The following PTPRA variants were observed in gnomAD, a reference collection of about 807,000 sequenced individuals.
The protein encoded by PTPRA is protein tyrosine phosphatase receptor type A.
Under a neutral mutation model 104.8 loss-of-function variants are expected in PTPRA, and 25 were observed. The observed-to-expected ratio is 0.24, with a 90% CI of 0.17 to 0.33. The LOEUF (loss-of-function observed/expected upper bound fraction) is 0.33, where lower values mean the gene tolerates loss of function less well. Among genes scored for constraint, PTPRA ranks in the 10% least tolerant of loss-of-function variants. The pLI is 1.00. For missense variants in PTPRA, 765 were observed against 1,015.3 expected (o/e 0.75, Z 3.35); for synonymous variants, 323 against 368.9 (o/e 0.88, Z 1.43).
the PTPRA span, chr20:2,865,074 C>G: frequency 1.9e-6 from 3 of 1,614,034 alleles, no homozygotes; most frequent in Non-Finnish European, 2.5e-6. This position sits in a 1 kb window ranked among gnomAD's most constrained non-coding sequence, Gnocchi z 5.2. Context: ...CACCTTTTTC[C>G]AAGAGCCTCC....
At chr20:3,000,388 C>T (rs1025631143) in intron 9 of PTPRA, among the ~76,000 whole-genome samples, 1 of 152,126 alleles carries the variant, frequency 6.6e-6, no homozygotes, top group African/African-American at 2.4e-5. Flanking sequence ...GATGATGAAC[C>T]TCATTAATAA....
At chr20:2,869,874 G>A (rs1440880422), upstream of PTPRA, among the ~76,000 whole-genome samples, 1 of 152,052 alleles carries the variant, frequency 6.6e-6, no homozygotes, top group African/African-American at 2.4e-5. Flanking sequence ...GGCTGAGGCA[G>A]GAGAATCGCT....
Position 2,965,176 on chromosome 20 carries a change from C to T in PTPRA, c.389C>T (p.Thr130Ile). ...GAGGGGAATTCCAGCACCGCAGCAA[C>T]CACTCCAGAAACTTTCCCTCCTTCA... ...PWEGNSSTAA[T>I]TPETFPPSGN... Residue 130 changes from threonine (T) to isoleucine (I), a missense_variant, in exon 5 of 24, where the codon ACC becomes ATC. By Grantham distance (89) the Thr-to-Ile change is moderately conservative (BLOSUM62 -1). Coordinates refer to ENST00000399903, the MANE Select transcript of PTPRA (RefSeq NM_001385305.1). 3.7e-6 allele frequency: 6 copies of T among 1,613,722 alleles called. No individual in the cohort carries two copies. Among genetic ancestry groups the T allele is most frequent in the South Asian group, 1.1e-5 (1 of 91,058 alleles).
At chr20:3,021,031 G>A (rs567542221) in intron 13 of PTPRA, among the ~76,000 whole-genome samples, 4 of 152,332 alleles carry the variant, frequency 2.6e-5, no homozygotes, top group Admixed American at 1.3e-4. Flanking sequence ...CTTCAGATTC[G>A]CCCTGAACCA....
At chr20:2,869,705 C>T (rs992258057), upstream of PTPRA, among the ~76,000 whole-genome samples, 2 of 152,208 alleles carry the variant, frequency 1.3e-5, no homozygotes, top group Non-Finnish European at 2.9e-5. Context: ...GTGGCTCATG[C>T]CTGTAATTCC....
chr20:2,960,680 A>G (rs1488416217), intron 3 of PTPRA, among the ~76,000 whole-genome samples: 1 of 151,868 alleles, frequency 6.6e-6, no homozygotes, highest in African/African-American at 2.4e-5. Context: ...GAGACTACAC[A>G]CACACACCAC....
intron 3 of PTPRA, among the ~76,000 whole-genome samples, chr20:2,956,485 T>G (rs1405287319): frequency 6.6e-6 from 1 of 151,588 alleles, no homozygotes; most frequent in East Asian, 1.9e-4. Flanking sequence ...TGTCCTTACC[T>G]AGGTCTTTCT....
chr20:2,893,502 C>G (rs2058877400), intron 1 of PTPRA, among the ~76,000 whole-genome samples: 1 of 152,080 alleles, frequency 6.6e-6, no homozygotes, highest in Non-Finnish European at 1.5e-5. Flanking sequence ...CTTAGCTGTA[C>G]TTAATATATT....
chr20:2,989,949 G>A (rs756732457), intron 9 of PTPRA, among the ~76,000 whole-genome samples: 30 of 152,076 alleles, frequency 2.0e-4, no homozygotes, highest in Non-Finnish European at 3.8e-4. Flanking sequence ...CCCGGGAGGC[G>A]GAGCTTGCAG....
At chr20:3,029,538 A>ATTTTTTTTTTTTTTTT (rs1390310900) in intron 20 of PTPRA, among the ~76,000 whole-genome samples, 3 of 35,632 alleles carry the variant, frequency 8.4e-5, no homozygotes, top group African/African-American at 4.2e-4. Flanking sequence ...GGTCTTCATC[A>ATTTTTTTTTTTTTTTT]TCTTTTTTTT....
intron 6 of PTPRA, among the ~76,000 whole-genome samples, chr20:2,979,444 G>A (rs1202795081): frequency 6.6e-6 from 1 of 152,124 alleles, no homozygotes; most frequent in Non-Finnish European, 1.5e-5. Flanking sequence ...ATTGCTCTGT[G>A]TTCTGGGAGC....
intron 1 of PTPRA, among the ~76,000 whole-genome samples, chr20:2,878,044 G>A (rs1392408196): frequency 6.6e-6 from 1 of 152,026 alleles, no homozygotes; most frequent in Admixed American, 6.6e-5. Context: ...CCAGCTACTC[G>A]GGAGGCTGAG....
At chr20:3,036,287 AAG>A (rs1362808992) in intron 22 of PTPRA, among the ~76,000 whole-genome samples, 1 of 152,200 alleles carries the variant, frequency 6.6e-6, no homozygotes, top group Non-Finnish European at 1.5e-5. Flanking sequence ...TGACCAGCAG[AAG>A]AGAGACAGTA....
chr20:2,899,253 A>AC (rs1321828658), intron 1 of PTPRA, among the ~76,000 whole-genome samples: 1 of 152,218 alleles, frequency 6.6e-6, no homozygotes, highest in Non-Finnish European at 1.5e-5. Context: ...ACCCTGACTT[A>AC]AAAAAATAAA....
intron 3 of PTPRA, among the ~76,000 whole-genome samples, chr20:2,960,405 A>C (rs1040255283): frequency 1.3e-5 from 2 of 151,936 alleles, no homozygotes; most frequent in African/African-American, 2.4e-5. Flanking sequence ...GCCCGCCACC[A>C]CATCCGGCTA....
chr20:2,938,334 G>A (rs965734506), intron 2 of PTPRA, among the ~76,000 whole-genome samples: 5 of 151,856 alleles, frequency 3.3e-5, no homozygotes, highest in East Asian at 1.9e-4. Context: ...ACAGGCACCC[G>A]CCACCACACC....
chr20:2,874,831 T>A (rs1292911324), intron 1 of PTPRA, among the ~76,000 whole-genome samples: 1 of 152,206 alleles, frequency 6.6e-6, no homozygotes, highest in Admixed American at 6.5e-5. Flanking sequence ...TTTACTCCTT[T>A]ACTTTTAGCC....
intron 3 of PTPRA, among the ~76,000 whole-genome samples, chr20:2,948,752 C>G (rs1267991548): frequency 6.6e-6 from 1 of 151,758 alleles, no homozygotes; most frequent in East Asian, 1.9e-4. Flanking sequence ...GAGATCAAGA[C>G]CATCCTGGCT....
chr20:2,925,552 G>A (rs533138448), intron 2 of PTPRA, among the ~76,000 whole-genome samples: 14 of 152,076 alleles, frequency 9.2e-5, no homozygotes, highest in Non-Finnish European at 1.6e-4. Flanking sequence ...GGTGGCTCAC[G>A]CCTGTAATCC....
Sources: allele counts gnomAD v4.1 joint callset (sites outside exome capture counted in the v4.1 genomes callset), GRCh38; gene constraint gnomAD v4.1.1; non-coding constraint Gnocchi (gnomAD v3.1); transcripts MANE v1.5; gene names NCBI Gene and HGNC (gene_info 2026-07-23, HGNC 2026-07-21).